Variants in ADGRL2 observed in about 807,000 individuals in gnomAD.
ADGRL2 encodes adhesion G protein-coupled receptor L2, also known as calcium-independent alpha-latrotoxin receptor 2.
In ADGRL2, 44 loss-of-function variants were observed where a neutral mutation model predicts 157.4. That is an observed-to-expected ratio of 0.28 (90% CI 0.22 to 0.36). ADGRL2 has a LOEUF of 0.36. Among genes scored for constraint, ADGRL2 ranks in the 10% least tolerant of loss-of-function variants. The pLI is 1.00. For missense variants in ADGRL2, 1,510 were observed against 1,768.9 expected (o/e 0.85, Z 2.63); for synonymous variants, 585 against 624.7 (o/e 0.94, Z 0.95).
At chr1:81,622,914 A>G (rs763868738) in intron 3 of ADGRL2, among the ~76,000 whole-genome samples, 4 of 152,226 alleles carry the variant, frequency 2.6e-5, no homozygotes, top group African/African-American at 7.2e-5. Flanking sequence ...GAATCTGGAA[A>G]GGGACAGAAT....
chr1:81,455,262 T>A (rs946187203), intron 2 of ADGRL2, among the ~76,000 whole-genome samples: 3 of 152,178 alleles, frequency 2.0e-5, no homozygotes, highest in African/African-American at 7.2e-5. Flanking sequence ...AGTACCTTAT[T>A]CTCAGAAGCC....
At chr1:81,935,583 C>A (rs967116722) in intron 3 of ADGRL2, among the ~76,000 whole-genome samples, 1 of 151,786 alleles carries the variant, frequency 6.6e-6, no homozygotes, top group Non-Finnish European at 1.5e-5. Flanking sequence ...TTTCAAAATT[C>A]TTTATAGTGC....
At chr1:81,755,163 T>G (rs962607342) in intron 1 of ADGRL2, among the ~76,000 whole-genome samples, 3 of 144,982 alleles carry the variant, frequency 2.1e-5, no homozygotes, top group Non-Finnish European at 4.5e-5. Context: ...TATATATATA[T>G]ATTTAAAGAT....
intron 1 of ADGRL2, among the ~76,000 whole-genome samples, chr1:81,414,955 G>A (rs1358280935): frequency 6.6e-6 from 1 of 152,088 alleles, no homozygotes; most frequent in East Asian, 1.9e-4. Flanking sequence ...TTCCCATCTG[G>A]TTATTCATAA....
At chr1:81,630,524 T>C (rs1308355178) in intron 3 of ADGRL2, among the ~76,000 whole-genome samples, 1 of 152,192 alleles carries the variant, frequency 6.6e-6, no homozygotes, top group African/African-American at 2.4e-5. Context: ...GCCTTTGTAA[T>C]AGGAAAAGTG....
chr1:81,815,957 G>A (rs1457076375), intron 1 of ADGRL2, among the ~76,000 whole-genome samples: 1 of 151,594 alleles, frequency 6.6e-6, no homozygotes, highest in African/African-American at 2.4e-5. Flanking sequence ...AAACATTTGG[G>A]ATTGATTTTT....
intron 1 of ADGRL2, among the ~76,000 whole-genome samples, chr1:81,317,645 T>G (rs1660204367): frequency 6.6e-6 from 1 of 152,218 alleles, no homozygotes; most frequent in African/African-American, 2.4e-5. Flanking sequence ...AGGGTTTATC[T>G]TAAATTATAC....
intron 2 of ADGRL2, among the ~76,000 whole-genome samples, chr1:81,775,640 CAG>C (rs916208481): frequency 2.0e-5 from 3 of 150,856 alleles, no homozygotes; most frequent in Non-Finnish European, 4.4e-5. Context: ...GGCAAAGAGA[CAG>C]AGTGTGTGAG....
intron 3 of ADGRL2, among the ~76,000 whole-genome samples, chr1:81,605,229 T>C (rs1339286182): frequency 6.6e-6 from 1 of 152,108 alleles, no homozygotes; most frequent in Non-Finnish European, 1.5e-5. Context: ...CCCTGGAGAT[T>C]CAGCCCTGCT....
At chr1:81,950,834 A>G (rs1651541075) in intron 7 of ADGRL2, among the ~76,000 whole-genome samples, 184 bp from the exon 8 acceptor site, 1 of 152,212 alleles carries the variant, frequency 6.6e-6, no homozygotes, top group Non-Finnish European at 1.5e-5. Context: ...TGATATTTCT[A>G]TGCTGACTTC....
intron 1 of ADGRL2, among the ~76,000 whole-genome samples, chr1:81,709,733 AATTTTG>A (rs2083860631): frequency 6.6e-6 from 1 of 152,160 alleles, no homozygotes; most frequent in Admixed American, 6.5e-5. Context: ...AGGCATTTGA[AATTTTG>A]AGGTGGGTAC....
intron 1 of ADGRL2, among the ~76,000 whole-genome samples, chr1:81,819,314 C>G (rs573298031): frequency 6.6e-6 from 1 of 152,062 alleles, no homozygotes; most frequent in African/African-American, 2.4e-5. Context: ...AACCAAGGTT[C>G]CAGCCAAGTC....
intron 1 of ADGRL2, among the ~76,000 whole-genome samples, chr1:81,437,365 T>C (rs1257950192): frequency 6.6e-6 from 1 of 152,128 alleles, no homozygotes; most frequent in Non-Finnish European, 1.5e-5. Context: ...TCCTAAGTAG[T>C]GTCAGTCTTC....
chr1:81,809,676 A>G (rs2089612594), intron 1 of ADGRL2, among the ~76,000 whole-genome samples: 1 of 152,008 alleles, frequency 6.6e-6, no homozygotes, highest in African/African-American at 2.4e-5. Flanking sequence ...GTTAGGTAGT[A>G]CTTGTTAACC....
At chr1:81,865,661 C>A (rs1184044799) in intron 2 of ADGRL2, among the ~76,000 whole-genome samples, 6 of 152,056 alleles carry the variant, frequency 3.9e-5, no homozygotes, top group Non-Finnish European at 8.8e-5. Context: ...TTGCTACTTG[C>A]CCTGCAGACA....
At chr1:81,340,381 A>G (rs1430286319) in intron 1 of ADGRL2, among the ~76,000 whole-genome samples, 1 of 152,118 alleles carries the variant, frequency 6.6e-6, no homozygotes, top group Non-Finnish European at 1.5e-5. Flanking sequence ...CCTTTGCCCA[A>G]CTTGTGCTTG....
At chr1:81,681,337 T>C (rs1198953620) in intron 3 of ADGRL2, among the ~76,000 whole-genome samples, 2 of 152,210 alleles carry the variant, frequency 1.3e-5, no homozygotes, top group African/African-American at 2.4e-5. Context: ...CTGGAACTGT[T>C]TGGGACCCAT....
chr1:81,972,214 T>A (rs1658959976), intron 17 of ADGRL2, among the ~76,000 whole-genome samples: 1 of 152,110 alleles, frequency 6.6e-6, no homozygotes, highest in South Asian at 2.1e-4. Flanking sequence ...TAAATGAATA[T>A]GTCAGAAAAG....
At chr1:81,737,949 C>T (rs1332527313) in intron 1 of ADGRL2, among the ~76,000 whole-genome samples, 2 of 152,198 alleles carry the variant, frequency 1.3e-5, no homozygotes, top group Non-Finnish European at 2.9e-5. Flanking sequence ...TCCAACTATC[C>T]TTTGATTCTC....
Sources: allele counts gnomAD v4.1 joint callset (sites outside exome capture counted in the v4.1 genomes callset), GRCh38; gene constraint gnomAD v4.1.1; transcripts MANE v1.5; gene names NCBI Gene and HGNC (gene_info 2026-07-23, HGNC 2026-07-21).